The following SLC38A1 variants were observed in gnomAD, a reference collection of about 807,000 sequenced individuals.
The protein encoded by SLC38A1 is sodium-coupled neutral amino acid symporter 1.
SLC38A1 carries 18 observed loss-of-function variants against 60.3 expected under a neutral mutation model. That is an observed-to-expected ratio of 0.30 (90% CI 0.21 to 0.44). The LOEUF is 0.44. Ranked by LOEUF, SLC38A1 falls within the 20% of genes least tolerant of loss-of-function variation. The pLI is 1.00. For missense variants in SLC38A1, 448 were observed against 587.2 expected (o/e 0.76, Z 2.45); for synonymous variants, 196 against 212.1 (o/e 0.92, Z 0.66).
At position 46,207,658 on chromosome 12, in the gene SLC38A1, C is replaced by A. The variant is rs377189465; in HGVS notation, c.389-37G>T. The A allele has an allele frequency of 3.2e-5, 51 of 1,574,884 alleles. No individual in the cohort carries two copies. The African/African-American group carries it at 6.5e-4, about 20-fold the overall frequency. On this transcript the variant is annotated intron_variant, in intron 6 of 16. Coordinates refer to ENST00000398637, the MANE Select transcript of SLC38A1 (RefSeq NM_030674.4). ...TCAAATTTGAGAACACAAGAAATGA[C>A]AGGGTTCAGAAAGTTAAAATAGTCA...
intron 5 of SLC38A1, among the ~76,000 whole-genome samples, chr12:46,209,668 CT>C (rs1194333934): frequency 6.6e-6 from 1 of 152,196 alleles, no homozygotes; most frequent in African/African-American, 2.4e-5. Context: ...TATTGGGCTA[CT>C]AATGTAATTC....
At chr12:46,221,814 A>G (rs1592108012) in intron 5 of SLC38A1, among the ~76,000 whole-genome samples, 1 of 152,246 alleles carries the variant, frequency 6.6e-6, no homozygotes, top group Admixed American at 6.5e-5. Flanking sequence ...TATTAGAAAG[A>G]TACAAATGAC....
chr12:46,234,874 C>A (rs540218240), intron 3 of SLC38A1, among the ~76,000 whole-genome samples: 40 of 152,232 alleles, frequency 2.6e-4, no homozygotes, highest in African/African-American at 8.7e-4. Context: ...CGACCTCTGG[C>A]AAAATAGTTG....
intron 5 of SLC38A1, among the ~76,000 whole-genome samples, chr12:46,223,552 A>G (rs1179361228): frequency 2.6e-5 from 4 of 152,040 alleles, no homozygotes; most frequent in Non-Finnish European, 5.9e-5. Context: ...CCACTTTTCA[A>G]AGTCTGTTTT....
chr12:46,193,726 C>G (rs1055182974), intron 16 of SLC38A1, among the ~76,000 whole-genome samples: 2 of 151,464 alleles, frequency 1.3e-5, no homozygotes, highest in Non-Finnish European at 1.5e-5. Context: ...GGTTTAAAGT[C>G]TGGTTTATCA....
intron 8 of SLC38A1, among the ~76,000 whole-genome samples, chr12:46,206,907 G>C (rs949894987): frequency 5.9e-5 from 9 of 152,116 alleles, no homozygotes; most frequent in Admixed American, 2.6e-4. Flanking sequence ...TTCAGGCTCT[G>C]GGGAAAATGC....
rs575007941 is a variant in SLC38A1, at chr12:46,214,158, C to A, written c.315-5031G>T. On this transcript the variant is annotated intron_variant, in intron 5 of 16. Coordinates refer to ENST00000398637, the MANE Select transcript of SLC38A1 (RefSeq NM_030674.4). The stretch of plus-strand genomic sequence containing the variant: ...CTATTCCTTGGCATCTACTTTTTGC[C>A]ATTTTTGAAAGTTGGGATTAAATTA... 1.8e-4 allele frequency among the ~76,000 whole-genome samples: 27 copies of A among 152,236 alleles called. No homozygotes were observed. In the South Asian group the frequency reaches 5.4e-3, roughly 30 times the overall value.
intron 16 of SLC38A1, among the ~76,000 whole-genome samples, chr12:46,196,550 C>T (rs1446566799): frequency 6.6e-6 from 1 of 152,198 alleles, no homozygotes; most frequent in Non-Finnish European, 1.5e-5. Flanking sequence ...TAAGCCCCTA[C>T]AGATAAGGCT....
chr12:46,219,951 G>GCACACA (rs530649671), intron 5 of SLC38A1, among the ~76,000 whole-genome samples: 1 of 152,136 alleles, frequency 6.6e-6, no homozygotes, highest in Non-Finnish European at 1.5e-5. Flanking sequence ...GCATGTGCGC[G>GCACACA]CACACACACA....
intron 16 of SLC38A1, among the ~76,000 whole-genome samples, chr12:46,190,421 C>A (rs1246436718): frequency 3.9e-5 from 6 of 152,166 alleles, no homozygotes; most frequent in Admixed American, 3.9e-4. Flanking sequence ...TTTATAGTAG[C>A]ATGATTTATA....
In SLC38A1 at chr12:46,204,431, G is replaced by C. The variant is rs2137128925; in HGVS notation, c.706-14C>G. On this transcript the variant is annotated splice_polypyrimidine_tract_variant and intron_variant, in intron 10 of 16. Transcript: ENST00000398637. Reference sequence around the variant, plus strand: ...CTTGTAAATAACCTGGTATTAAGAAGTATAGTAGAAGCAATATGGACTTTA... The same window carrying C: ...CTTGTAAATAACCTGGTATTAAGAACTATAGTAGAAGCAATATGGACTTTA... 6.3e-7 allele frequency: 1 copy of C among 1,597,148 alleles called. No homozygotes were observed. The highest frequency in any genetic ancestry group is 1.1e-5 in the South Asian group (1 of 90,724).
intron 1 of SLC38A1, among the ~76,000 whole-genome samples, chr12:46,257,760 A>C (rs1470421436): frequency 6.6e-6 from 1 of 152,176 alleles, no homozygotes; most frequent in African/African-American, 2.4e-5. Context: ...CACAGTCGCC[A>C]GAAAGATGTT....
intron 1 of SLC38A1, among the ~76,000 whole-genome samples, chr12:46,260,787 C>A (rs996509650): frequency 1.3e-5 from 2 of 152,118 alleles, no homozygotes; most frequent in Non-Finnish European, 2.9e-5. Flanking sequence ...TCACAAAATC[C>A]TTTTCCTTTC....
At chr12:46,216,011 A>G (rs1940395736) in intron 5 of SLC38A1, among the ~76,000 whole-genome samples, 1 of 152,144 alleles carries the variant, frequency 6.6e-6, no homozygotes, top group Non-Finnish European at 1.5e-5. Context: ...GAACTTAGAC[A>G]AACCATAGGA....
At chr12:46,218,115 G>C (rs1218895719) in intron 5 of SLC38A1, among the ~76,000 whole-genome samples, 1 of 152,172 alleles carries the variant, frequency 6.6e-6, no homozygotes, top group Non-Finnish European at 1.5e-5. Context: ...GCTTAAATGA[G>C]GATGTTGTAC....
intron 2 of SLC38A1, 25 bp from the exon 3 acceptor site, chr12:46,239,918 TAACTA>T: frequency 1.2e-6 from 1 of 844,856 alleles, no homozygotes; most frequent in Non-Finnish European, 1.8e-6. Context: ...AATAAAAAAA[TAACTA>T]AACATATGAA....
intron 16 of SLC38A1, chr12:46,197,229 C>T (rs532019543): frequency 1.6e-4 from 24 of 154,684 alleles, no homozygotes; most frequent in Non-Finnish European, 2.6e-4. Flanking sequence ...ATGGCTCATG[C>T]CTGTAATCCC....
intron 5 of SLC38A1, among the ~76,000 whole-genome samples, chr12:46,221,671 C>T (rs1379360386): frequency 6.6e-6 from 1 of 152,180 alleles, no homozygotes; most frequent in Admixed American, 6.5e-5. Context: ...CGTGCAAATG[C>T]TGTTCTAGAT....
intron 1 of SLC38A1, among the ~76,000 whole-genome samples, chr12:46,245,435 C>T (rs1414943470): frequency 1.3e-5 from 2 of 152,132 alleles, no homozygotes; most frequent in Non-Finnish European, 2.9e-5. Flanking sequence ...GCTCTTAGGA[C>T]AGCCATTATC....
Sources: allele counts gnomAD v4.1 joint callset (sites outside exome capture counted in the v4.1 genomes callset), GRCh38; gene constraint gnomAD v4.1.1; transcripts MANE v1.5; gene names NCBI Gene and HGNC (gene_info 2026-07-23, HGNC 2026-07-21).